ZFYVE9: variants seen among roughly 807,000 people sequenced by gnomAD.
ZFYVE9 encodes the protein zinc finger FYVE domain-containing protein 9.
ZFYVE9 carries 43 observed loss-of-function variants against 126.7 expected under a neutral mutation model. The ratio of observed to expected loss-of-function variants is 0.34; its 90% CI spans 0.27 to 0.44. The LOEUF (loss-of-function observed/expected upper bound fraction) is 0.44. Ranked by LOEUF, ZFYVE9 falls within the 20% of genes least tolerant of loss-of-function variation. The probability of loss-of-function intolerance (pLI) is 1.00; values close to 1 mark genes in which losing one functional copy is unlikely to be tolerated. For missense variants in ZFYVE9, 1,476 were observed against 1,697.0 expected (o/e 0.87, Z 2.29); for synonymous variants, 521 against 597.4 (o/e 0.87, Z 1.87).
At position 52,293,516 on chromosome 1, in the gene ZFYVE9, A is replaced by G. The variant is rs758677992; in HGVS notation, c.3089A>G (p.His1030Arg). ...CAAAGTTTCCTTGGCAGTAAAGAAC[A>G]TGGTGGATTCTTATATGTGACATCT... ...FSQSFLGSKEHGGFLYVTSTY... is the reference protein window; with the variant it reads ...FSQSFLGSKERGGFLYVTSTY... The change falls in exon 11 of 19, where the codon CAT becomes CGT. Residue 1030 changes from histidine (H) to arginine (R), a missense_variant. Physicochemically the swap from His to Arg is conservative, Grantham distance 29. Transcript: ENST00000287727. The G allele has an allele frequency of 3.1e-6, 5 of 1,613,978 alleles. No individual in the cohort carries two copies. Among genetic ancestry groups the G allele is most frequent in the African/African-American group, 2.7e-5 (2 of 74,916 alleles).
chr1:52,255,939 TTTTCTTTTCTTTTCTTTTCTTTTCTTTTC>T (rs1281600163), intron 4 of ZFYVE9, among the ~76,000 whole-genome samples: 31 of 125,080 alleles, frequency 2.5e-4, no homozygotes, highest in African/African-American at 1.0e-3. Flanking sequence ...TTTTCTTTTC[TTTTCTTTTCTTTTCTTTTCTTTTCTTTTC>T]TTTCTTTCTT....
chr1:52,204,905 C>T (rs1240266183), intron 1 of ZFYVE9, among the ~76,000 whole-genome samples: 2 of 152,102 alleles, frequency 1.3e-5, no homozygotes, highest in Admixed American at 6.6e-5. Flanking sequence ...GAGTTGTCCA[C>T]ACTAAGCCTC....
At chr1:52,268,123 T>G (rs1341443429) in intron 6 of ZFYVE9, among the ~76,000 whole-genome samples, 2 of 152,234 alleles carry the variant, frequency 1.3e-5, no homozygotes, top group Non-Finnish European at 2.9e-5. Flanking sequence ...GCTATTAATT[T>G]ATTTCCGAGG....
intron 1 of ZFYVE9, chr1:52,190,218 C>T (rs188212536): frequency 6.6e-6 from 1 of 152,638 alleles, no homozygotes; most frequent in East Asian, 1.9e-4. Flanking sequence ...CAGGGTACCT[C>T]TGGGTTCCTT....
chr1:52,163,585 C>A (rs1220728531), intron 1 of ZFYVE9, among the ~76,000 whole-genome samples: 2 of 152,082 alleles, frequency 1.3e-5, no homozygotes, highest in African/African-American at 4.8e-5. Flanking sequence ...TTAGATCTTT[C>A]GAATACTGAT....
intron 1 of ZFYVE9, among the ~76,000 whole-genome samples, chr1:52,148,407 G>C (rs926099032): frequency 2.6e-5 from 4 of 151,788 alleles, no homozygotes; most frequent in Admixed American, 1.3e-4. Context: ...AGAATTGCTT[G>C]AACCAGGGAG....
At chr1:52,191,050 C>T (rs1264617788) in intron 1 of ZFYVE9, among the ~76,000 whole-genome samples, 1 of 152,094 alleles carries the variant, frequency 6.6e-6, no homozygotes, top group African/African-American at 2.4e-5. Context: ...CCTGCCTTAG[C>T]CCCCTAACGC....
chr1:52,214,889 T>A (rs1195818437), intron 1 of ZFYVE9, among the ~76,000 whole-genome samples: 2 of 152,060 alleles, frequency 1.3e-5, no homozygotes, highest in East Asian at 3.8e-4. Context: ...TCAAGCCTTA[T>A]TTTATTCACG....
chr1:52,273,787 C>T (rs1251606598), intron 7 of ZFYVE9, among the ~76,000 whole-genome samples: 1 of 147,336 alleles, frequency 6.8e-6, no homozygotes, highest in Non-Finnish European at 1.5e-5. Context: ...CCATTGCACT[C>T]CAGCCTGGGC....
intron 4 of ZFYVE9, among the ~76,000 whole-genome samples, chr1:52,259,804 AAAAG>A (rs1645561213): frequency 3.3e-5 from 5 of 152,056 alleles, no homozygotes; most frequent in Admixed American, 3.3e-4. Flanking sequence ...CTAAAAATAA[AAAAG>A]AAAAAGGCCC....
At chr1:52,163,962 C>T (rs1644486744) in intron 1 of ZFYVE9, among the ~76,000 whole-genome samples, 1 of 152,002 alleles carries the variant, frequency 6.6e-6, no homozygotes, top group Non-Finnish European at 1.5e-5. Context: ...CAAATTTCTA[C>T]CTTTTTTTTA....
At chr1:52,343,949 G>A (rs1429411761) in intron 17 of ZFYVE9, among the ~76,000 whole-genome samples, 1 of 151,882 alleles carries the variant, frequency 6.6e-6, no homozygotes, top group Non-Finnish European at 1.5e-5. Context: ...GCACATGCCT[G>A]TAATCCCAGC....
intron 4 of ZFYVE9, among the ~76,000 whole-genome samples, chr1:52,242,683 T>C (rs1187352731): frequency 6.6e-6 from 1 of 152,190 alleles, no homozygotes; most frequent in African/African-American, 2.4e-5. Context: ...AACCAAAATG[T>C]TTCTTTCCCT....
intron 4 of ZFYVE9, 129 bp downstream of exon 4, chr1:52,239,724 C>A: frequency 9.7e-7 from 1 of 1,031,334 alleles, no homozygotes; most frequent in East Asian, 2.7e-5. Context: ...TTTGAAAACC[C>A]AGTTCTAGTA....
intron 1 of ZFYVE9, among the ~76,000 whole-genome samples, chr1:52,172,793 C>T (rs1360899351): frequency 6.6e-6 from 1 of 151,254 alleles, no homozygotes; most frequent in African/African-American, 2.4e-5. Context: ...CATGATTTGG[C>T]TCTCTGTTTG....
In ZFYVE9 at chr1:52,223,867, G is replaced by C. The variant is rs139572976; in HGVS notation, c.-37+7393G>C. On this transcript the variant is annotated intron_variant, in intron 2 of 18. Coordinates refer to ENST00000287727, the MANE Select transcript of ZFYVE9 (RefSeq NM_004799.4). ...GAACAGGAGGGTGTTTGCGCTCCCA[G>C]ACTATCATGGCAGCCCTGAAGATCA... Among the ~76,000 whole-genome samples the C allele has an allele frequency of 2.7e-4, 41 of 152,274 alleles. No individual in the cohort carries two copies. In the East Asian group the frequency reaches 7.5e-3, roughly 28 times the overall value.
chr1:52,290,287 G>A (rs1481113265), intron 10 of ZFYVE9, among the ~76,000 whole-genome samples: 3 of 152,132 alleles, frequency 2.0e-5, no homozygotes, highest in African/African-American at 7.2e-5. Flanking sequence ...GGGCAAACTT[G>A]TCCTTTCATA....
chr1:52,293,796 A>G (rs1645948069), intron 11 of ZFYVE9, 119 bp downstream of exon 11: 2 of 1,024,092 alleles, frequency 2.0e-6, no homozygotes, highest in Admixed American at 2.7e-5. Flanking sequence ...AGCTAAACTA[A>G]ATTTGGCCAG....
At chr1:52,313,253 A>C (rs1381907001) in intron 13 of ZFYVE9, among the ~76,000 whole-genome samples, 3 of 152,196 alleles carry the variant, frequency 2.0e-5, no homozygotes, top group Admixed American at 6.5e-5. Context: ...ACACCAGTCC[A>C]CCTTAAACAA....
Sources: allele counts gnomAD v4.1 joint callset (sites outside exome capture counted in the v4.1 genomes callset), GRCh38; gene constraint gnomAD v4.1.1; transcripts MANE v1.5; gene names NCBI Gene and HGNC (gene_info 2026-07-23, HGNC 2026-07-21).